The following DMD variants were observed in gnomAD, a reference collection of about 807,000 sequenced individuals.
DMD encodes the protein dystrophin.
Under a neutral mutation model 330.1 loss-of-function variants are expected in DMD, and 63 were observed. The ratio of observed to expected loss-of-function variants is 0.19; its 90% CI spans 0.16 to 0.24. DMD has a LOEUF of 0.24. Among genes scored for constraint, DMD ranks in the 10% least tolerant of loss-of-function variants. DMD has a pLI of 1.00. For missense variants in DMD, 3,344 were observed against 2,684.1 expected (o/e 1.25, Z -5.43); for synonymous variants, 1,223 against 959.8 (o/e 1.27, Z -5.07).
At chrX:31,456,567 G>A (rs1246336556) in intron 59 of DMD, among the ~76,000 whole-genome samples, 1 of 111,805 alleles carries the variant, frequency 8.9e-6, no homozygotes. Flanking sequence ...TGAACAAAGG[G>A]TAAGAGGTAG....
intron 13 of DMD, among the ~76,000 whole-genome samples, chrX:32,593,487 C>A (rs2055168249): frequency 8.9e-6 from 1 of 111,782 alleles, no homozygotes; most frequent in African/African-American, 3.3e-5. Context: ...ATCATAGTGA[C>A]CATGGATGAC....
At chrX:32,149,381 A>T (rs888222605) in intron 44 of DMD, among the ~76,000 whole-genome samples, 2 of 112,189 alleles carry the variant, frequency 1.8e-5, no homozygotes, top group African/African-American at 6.5e-5. Context: ...GTAATTGCCA[A>T]TTGTGATTCT....
chrX:32,657,255 T>C lies in DMD; in HGVS notation c.961-12103A>G, dbSNP rs998551553. Among the ~76,000 whole-genome samples, 3 of 111,231 alleles carry C rather than the reference T, an allele frequency of 2.7e-5. No individual in the cohort carries two copies. In the Admixed American group the frequency reaches 2.9e-4, roughly 11 times the overall value. ...GTTATGGCAAATTCTCCTAAATCAA[T>C]GGAAGGTCAGAGAGAAAATAATAGA... On this transcript the variant is annotated intron_variant, in intron 9 of 78. Transcript: ENST00000357033.
intron 7 of DMD, among the ~76,000 whole-genome samples, chrX:32,745,948 A>G (rs1396160834): frequency 8.9e-6 from 1 of 112,436 alleles, no homozygotes; most frequent in Non-Finnish European, 1.9e-5. Flanking sequence ...AGTAAAAATA[A>G]AGAATAAAGC....
chrX:32,407,394 A>G lies in DMD; in HGVS notation c.4233+4358T>C, dbSNP rs761376870. Among the ~76,000 whole-genome samples the G allele has an allele frequency of 3.6e-5, 4 of 112,189 alleles. No homozygotes were observed. The East Asian group carries it at 8.5e-4, about 24-fold the overall frequency. On this transcript the variant is annotated intron_variant, in intron 30 of 78. Coordinates refer to ENST00000357033, the MANE Select transcript of DMD (RefSeq NM_004006.3). ...AAAAAAATGCTCATCATCACTGGCC[A>G]TCAGAGAAATGCAAATCAAAACAAC...
intron 43 of DMD, among the ~76,000 whole-genome samples, chrX:32,261,999 T>A (rs1373318846): frequency 8.9e-6 from 1 of 111,875 alleles, no homozygotes; most frequent in African/African-American, 3.2e-5. Context: ...TTTTGGGTAA[T>A]TAGTGGAAGG....
At chrX:32,392,187 A>G (rs1304997821) in intron 30 of DMD, among the ~76,000 whole-genome samples, 1 of 111,895 alleles carries the variant, frequency 8.9e-6, no homozygotes, top group East Asian at 2.8e-4. Context: ...AAAGAAGTAG[A>G]TGCATAGGGA....
chrX:32,507,196 G>C (rs1056438746), intron 18 of DMD, among the ~76,000 whole-genome samples: 1 of 111,202 alleles, frequency 9.0e-6, no homozygotes, highest in Non-Finnish European at 1.9e-5. Flanking sequence ...ATATACAGAT[G>C]AAAGAAAAAA....
chrX:32,575,805 C>T (rs913898044), intron 13 of DMD, among the ~76,000 whole-genome samples: 11 of 111,588 alleles, frequency 9.9e-5, no homozygotes, highest in African/African-American at 3.3e-4. Flanking sequence ...TATTGTAGCC[C>T]ATCAACTCCA....
At chrX:32,678,524 T>A (rs2062129757) in intron 9 of DMD, among the ~76,000 whole-genome samples, 1 of 110,842 alleles carries the variant, frequency 9.0e-6, no homozygotes, top group African/African-American at 3.3e-5. Context: ...GTGTGTGTTG[T>A]GTTGTGTATG....
At chrX:31,477,809 AC>A (rs2067909359) in intron 59 of DMD, among the ~76,000 whole-genome samples, 1 of 110,798 alleles carries the variant, frequency 9.0e-6, no homozygotes, top group Non-Finnish European at 1.9e-5. Context: ...ACACACACAC[AC>A]ACACACACAC....
chrX:31,375,516 G>A (rs1195625461), intron 60 of DMD, among the ~76,000 whole-genome samples: 2 of 111,567 alleles, frequency 1.8e-5, no homozygotes, highest in Non-Finnish European at 3.8e-5. Flanking sequence ...GGAATAAAAC[G>A]AGATCATGTG....
At chrX:31,592,076 G>A (rs758505432) in intron 55 of DMD, among the ~76,000 whole-genome samples, 25 of 109,535 alleles carry the variant, frequency 2.3e-4, no homozygotes, top group African/African-American at 6.9e-4. Context: ...ATTTCTCCTC[G>A]CTGTCCCAAA....
At chrX:32,215,485 C>T (rs187171838) in intron 44 of DMD, among the ~76,000 whole-genome samples, 1 of 111,291 alleles carries the variant, frequency 9.0e-6, no homozygotes, top group African/African-American at 3.3e-5. Context: ...AGAAACCCAG[C>T]CTGAAATATG....
At chrX:32,598,239 T>A (rs2055794052) in intron 12 of DMD, among the ~76,000 whole-genome samples, 1 of 112,357 alleles carries the variant, frequency 8.9e-6, no homozygotes, top group African/African-American at 3.2e-5. Flanking sequence ...GTGTGCAATC[T>A]ATACTGCCTA....
intron 39 of DMD, among the ~76,000 whole-genome samples, chrX:32,344,800 T>C (rs1254236552): frequency 8.9e-6 from 1 of 111,879 alleles, no homozygotes; most frequent in Non-Finnish European, 1.9e-5. Flanking sequence ...ATACGACCAG[T>C]GTAGATACTT....
intron 44 of DMD, among the ~76,000 whole-genome samples, chrX:32,116,662 A>C (rs2096612198): frequency 8.9e-6 from 1 of 112,509 alleles, no homozygotes; most frequent in African/African-American, 3.2e-5. Context: ...AAATAATTCA[A>C]CTGTTTTAAA....
Position 31,568,959 on chromosome X carries a change from G to T in DMD, c.8217+58714C>A, listed in dbSNP as rs73453986. On this transcript the variant is annotated intron_variant, in intron 55 of 78. Transcript: ENST00000357033. ...TTTTAGTGGTCTTTCCAGGCATTAC[G>T]ATACGCATTAACATTGCAATCTACT... Among the ~76,000 whole-genome samples the T allele has an allele frequency of 9.3e-3, 1,027 of 110,251 alleles. 16 individuals are homozygous for T. Among genetic ancestry groups the T allele is most frequent in the African/African-American group, 0.033 (981 of 29,988 alleles).
intron 53 of DMD, among the ~76,000 whole-genome samples, chrX:31,668,589 C>T (rs903268512): frequency 1.8e-5 from 2 of 111,187 alleles, no homozygotes; most frequent in Non-Finnish European, 3.8e-5. Context: ...TCTATCACTG[C>T]ATATATTTAT....
Sources: gnomAD v4.1 joint callset for allele counts (sites outside exome capture counted in the v4.1 genomes callset) on GRCh38, gnomAD v4.1.1 for gene constraint, MANE v1.5 for transcripts, NCBI Gene and HGNC (gene_info 2026-07-23, HGNC 2026-07-21) for gene names.